Variants in GPC1 observed in about 807,000 individuals in gnomAD.
GPC1 encodes the protein glypican 1, also known as glypican-1.
Under a neutral mutation model 51.5 loss-of-function variants are expected in GPC1, and 26 were observed. The ratio of observed to expected loss-of-function variants is 0.50; its 90% CI spans 0.37 to 0.70. The LOEUF (loss-of-function observed/expected upper bound fraction) is 0.70, where lower values mean the gene tolerates loss of function less well. GPC1 is among the 30% of genes least tolerant of loss of function. The pLI, the probability that GPC1 is intolerant of heterozygous loss-of-function variation, is 0.00. For missense variants in GPC1, 775 were observed against 800.5 expected, an observed-to-expected ratio of 0.97 and a Z score of 0.38; for synonymous variants, 380 against 348.3, an observed-to-expected ratio of 1.09 and a Z score of -1.01.
Position 240,451,487 on chromosome 2 carries a change from C to T in GPC1, c.167-7543C>T, listed in dbSNP as rs1228298733. 7 of 337,154 alleles carry T rather than the reference C, an allele frequency of 2.1e-5. No homozygotes were observed. In the Admixed American group the frequency reaches 2.1e-4, roughly 10 times the overall value. 20.9% of individuals were successfully genotyped at this position (337,154 alleles called of 1,614,324 possible). A position where few individuals can be genotyped will look rare whatever the true frequency, so the allele number is the denominator to read the frequency against. ...TCCCACAGCCTGCCTGAATTTCCAC[C>T]CTGCTGGCAGGGTTGGGCATAGAGA... On this transcript the variant is annotated intron_variant, in intron 1 of 8. Coordinates refer to ENST00000264039, the MANE Select transcript of GPC1 (RefSeq NM_002081.3).
At chr2:240,437,101 T>TG (rs1345540794) in intron 1 of GPC1, among the ~76,000 whole-genome samples, 1 of 152,178 alleles carries the variant, frequency 6.6e-6, no homozygotes, top group African/African-American at 2.4e-5. Flanking sequence ...GTTCCTGCTC[T>TG]GGGGGGCTCC....
At chr2:240,459,258 T>G (rs1485032991) in intron 2 of GPC1, 70 bp downstream of exon 2, 1 of 1,401,434 alleles carries the variant, frequency 7.1e-7, no homozygotes, top group Non-Finnish European at 9.8e-7. Context: ...ACACTGGGCC[T>G]TGCCTGGTGT....
chr2:240,444,605 C>G (rs1387838301), intron 1 of GPC1, among the ~76,000 whole-genome samples: 1 of 93,806 alleles, frequency 1.1e-5, no homozygotes, highest in Non-Finnish European at 2.7e-5. Context: ...AGCAGTGGGA[C>G]CTGTAGGGAA....
At chr2:240,464,824 T>C (rs764068887) in intron 5 of GPC1, 32 bp from the exon 6 acceptor site, 51 of 1,563,828 alleles carry the variant, frequency 3.3e-5, no homozygotes, top group Non-Finnish European at 4.3e-5. Flanking sequence ...GGGGCCCCAC[T>C]ACCCCCCAAG....
Position 240,464,600 on chromosome 2 carries a change from T to G in GPC1, c.884-16T>G, listed in dbSNP as rs368022078. The G allele has an allele frequency of 7.3e-4, 1,170 of 1,610,534 alleles. 1 individual carries two copies. The highest frequency in any genetic ancestry group is 8.9e-4 in the Non-Finnish European group (1,048 of 1,178,190). ...GCGTTAACGCCTGTGTGTCCGCGTG[T>G]TAACGCCTGTCCTAGACTCCATGGT... On this transcript the variant is annotated splice_polypyrimidine_tract_variant and intron_variant, in intron 4 of 8. Transcript: ENST00000264039.
chr2:240,466,365 C>T lies in GPC1; in HGVS notation c.*75C>T, dbSNP rs2074261975. On this transcript the variant is annotated 3_prime_UTR_variant, in exon 9 of 9. Coordinates refer to ENST00000264039, the MANE Select transcript of GPC1 (RefSeq NM_002081.3). Reference sequence around the variant, plus strand: ...TACAACACAGACGATATTTAATTCACCTCAGCCTGGAGAGGCCTGGGGTGG... The same window carrying T: ...TACAACACAGACGATATTTAATTCATCTCAGCCTGGAGAGGCCTGGGGTGG... 2 of 872,206 alleles carry T rather than the reference C, an allele frequency of 2.3e-6. No homozygotes were observed. Among genetic ancestry groups the T allele is most frequent in the Non-Finnish European group, 3.7e-6 (2 of 540,130 alleles). The allele number at this position is 872,206 out of a possible 1,614,324, so 54.0% of individuals were successfully genotyped here.
chr2:240,457,909 G>C (rs13430967), intron 1 of GPC1: 57,408 of 309,566 alleles, frequency 0.19, 5,259 homozygotes, highest in Middle Eastern at 0.34. Context: ...TGCTGACAAC[G>C]CCCCCCCTTG....
rs935821316 is a variant in GPC1, at chr2:240,458,993, C to T, written c.167-37C>T. 5.6e-6 allele frequency: 9 copies of T among 1,600,856 alleles called. No homozygotes were observed. In the African/African-American group the frequency reaches 1.1e-4, roughly 19 times the overall value. ...GTGCCCTCCTGGCTCCCAGTGCTGT[C>T]CCAGCCCCTCTCCCTCACACTGGCC... On this transcript the variant is annotated intron_variant, in intron 1 of 8. Coordinates refer to ENST00000264039, the MANE Select transcript of GPC1 (RefSeq NM_002081.3).
chr2:240,465,107 G>C lies in GPC1; in HGVS notation c.1165G>C (p.Val389Leu), dbSNP rs78856284. ...VSEAKAQLRD[V>L]QDFWISLPGT... Reference sequence around the variant, plus strand: ...CGAAGCCAAGGCCCAGCTCCGCGACGTCCAGGACTTCTGGATCAGCCTCCC... The same window carrying C: ...CGAAGCCAAGGCCCAGCTCCGCGACCTCCAGGACTTCTGGATCAGCCTCCC... Residue 389 changes from valine to leucine, a missense_variant, in exon 7 of 9, where the codon GTC (valine) becomes CTC (leucine). Transcript: ENST00000264039. 1.1e-5 allele frequency: 18 copies of C among 1,610,854 alleles called. No individual in the cohort carries two copies. Among genetic ancestry groups the C allele is most frequent in the Non-Finnish European group, 1.2e-5 (14 of 1,179,272 alleles).
intron 1 of GPC1, among the ~76,000 whole-genome samples, chr2:240,444,191 G>A (rs769262616): frequency 7.9e-5 from 12 of 152,300 alleles, no homozygotes; most frequent in South Asian, 6.2e-4. Flanking sequence ...CGCCACGCCC[G>A]GTGGGTCTCC....
intron 1 of GPC1, among the ~76,000 whole-genome samples, chr2:240,456,918 T>C (rs1189064212): frequency 6.6e-6 from 1 of 152,126 alleles, no homozygotes. Context: ...CCTTCTCTAC[T>C]AGGCCCCAGG....
intron 1 of GPC1, among the ~76,000 whole-genome samples, chr2:240,454,668 C>T (rs965274058): frequency 6.6e-6 from 1 of 152,240 alleles, no homozygotes; most frequent in Non-Finnish European, 1.5e-5. Flanking sequence ...ATTCCGGTAC[C>T]TTAGGCATTC....
chr2:240,450,574 G>A (rs748571114), intron 1 of GPC1: 1 of 470,340 alleles, frequency 2.1e-6, no homozygotes, highest in South Asian at 1.5e-5. Flanking sequence ...TCTTAGCAGG[G>A]AGACAGCTAG....
Position 240,465,210 on chromosome 2 carries a change from G to A in GPC1, c.1268G>A (p.Arg423Gln), listed in dbSNP as rs1486393991. 26 of 1,604,170 alleles carry A rather than the reference G, an allele frequency of 1.6e-5. No individual in the cohort carries two copies. Among genetic ancestry groups the A allele is most frequent in the East Asian group, 4.5e-5 (2 of 44,812 alleles). ...DRCWNGMARG[R>Q]YLPEVMGDGL... ...TGCTGGAACGGGATGGCCAGAGGCC[G>A]GTAGGTGCCCACCTGGCTGGCACAG... Residue 423 changes from arginine (R) to glutamine (Q), a missense_variant and splice_region_variant, in exon 7 of 9, where the codon CGG (arginine) becomes CAG (glutamine). Transcript: ENST00000264039.
intron 2 of GPC1, 59 bp downstream of exon 2, chr2:240,459,247 C>T (rs2074196898): frequency 4.7e-6 from 7 of 1,486,444 alleles, no homozygotes; most frequent in Non-Finnish European, 6.5e-6. Context: ...GGGGGAGGGG[C>T]ACACTGGGCC....
At chr2:240,438,357 G>T (rs142667512) in intron 1 of GPC1, among the ~76,000 whole-genome samples, 1 of 152,288 alleles carries the variant, frequency 6.6e-6, no homozygotes, top group African/African-American at 2.4e-5. Flanking sequence ...TGACTCCCTC[G>T]GGTCGCAGCA....
rs143603625 is a variant in GPC1 at position 240,464,277 on chromosome 2, G to C, written c.884-339G>C. 36 of 339,948 alleles carry C rather than the reference G, an allele frequency of 1.1e-4. No individual in the cohort carries two copies. The East Asian group carries it at 2.5e-3, about 24-fold the overall frequency. The allele number at this position is 339,948 out of a possible 1,614,324, so 21.1% of individuals were successfully genotyped here. A position where few individuals can be genotyped will look rare whatever the true frequency, so the allele number is the denominator to read the frequency against. ...CACGGGCTCATGTGCACACAAGCTGGACCAAGGTGAGCCAGCGTATGTACA... is the reference window on the plus strand; with the variant it reads ...CACGGGCTCATGTGCACACAAGCTGCACCAAGGTGAGCCAGCGTATGTACA... On this transcript the variant is annotated intron_variant, in intron 4 of 8. Coordinates refer to ENST00000264039, the MANE Select transcript of GPC1 (RefSeq NM_002081.3).
At chr2:240,458,096 G>C (rs1360688238) in intron 1 of GPC1, 6 of 470,208 alleles carry the variant, frequency 1.3e-5, no homozygotes, top group Admixed American at 7.1e-5. Flanking sequence ...TCACTGTATA[G>C]CTGGGACGAG....
In GPC1 at chr2:240,448,653, C is replaced by A. The variant is rs891620871; in HGVS notation, c.167-10377C>A. Among the ~76,000 whole-genome samples the A allele has an allele frequency of 6.6e-6, 1 of 152,002 alleles. No individual in the cohort carries two copies. The highest frequency in any genetic ancestry group is 1.5e-5 in the Non-Finnish European group (1 of 68,014). ...GCTCACCTTTGGGGAGGCGATCAGG[C>A]AGGCACATGACAGGACCACCTGCTC... On this transcript the variant is annotated intron_variant, in intron 1 of 8. Coordinates refer to ENST00000264039, the MANE Select transcript of GPC1 (RefSeq NM_002081.3). This position sits in a 1 kb window ranked among gnomAD's most constrained non-coding sequence, Gnocchi z 4.5.
Sources: gnomAD v4.1 joint callset for allele counts (sites outside exome capture counted in the v4.1 genomes callset) on GRCh38, gnomAD v4.1.1 for gene constraint, Gnocchi (gnomAD v3.1) non-coding constraint, MANE v1.5 for transcripts, NCBI Gene and HGNC (gene_info 2026-07-23, HGNC 2026-07-21) for gene names.